The following ZEB1 variants were observed in gnomAD, a reference collection of about 807,000 sequenced individuals.
ZEB1 encodes zinc finger E-box-binding homeobox 1.
In ZEB1, 21 loss-of-function variants were observed where a neutral mutation model predicts 84.9. That is an observed-to-expected ratio of 0.25 (90% CI 0.18 to 0.36). The LOEUF is 0.36. ZEB1 is among the 10% of genes least tolerant of loss of function. The pLI is 1.00. For synonymous variants in ZEB1, 420 were observed against 471.1 expected, an observed-to-expected ratio of 0.89 and a Z score of 1.41; for missense variants, 1,104 against 1,330.2, an observed-to-expected ratio of 0.83 and a Z score of 2.65.
At chr10:31,508,864 C>G (rs2069453722) in intron 4 of ZEB1, among the ~76,000 whole-genome samples, 1 of 152,178 alleles carries the variant, frequency 6.6e-6, no homozygotes, top group Non-Finnish European at 1.5e-5. Flanking sequence ...GTAGCCTGTC[C>G]TCAGGTCCCT....
rs71527629 is a variant in ZEB1 at position 31,327,099 on chromosome 10, C to CTTTTTTTTTTTTTTTTTTTTTTTTTTTT, written c.58+7829_58+7830insTTTTTTTTTTTTTTTTTTTTTTTTTTTT. Among the ~76,000 whole-genome samples the CTTTTTTTTTTTTTTTTTTTTTTTTTTTT allele has an allele frequency of 4.7e-5, 4 of 84,962 alleles. 1 individual carries two copies. Among genetic ancestry groups the CTTTTTTTTTTTTTTTTTTTTTTTTTTTT allele is most frequent in the African/African-American group, 1.0e-4 (2 of 19,420 alleles). The allele number at this position is 84,962 out of a possible 152,430, so 55.7% of individuals were successfully genotyped here. On this transcript the variant is annotated intron_variant, in intron 1 of 8. Coordinates refer to ENST00000424869, the MANE Select transcript of ZEB1 (RefSeq NM_001174096.2). Reference sequence around the variant, plus strand: ...ATTTACTTTCTTTTTCTTTTCTTTTCTTTTTTTTTTTTTTTTTTTTTTGAG... The same window carrying CTTTTTTTTTTTTTTTTTTTTTTTTTTTT: ...ATTTACTTTCTTTTTCTTTTCTTTTCTTTTTTTTTTTTTTTTTTTTTTTTTTTTTTTTTTTTTTTTTTTTTTTTTTGAG...
chr10:31,493,840 T>A (rs1015988993), intron 2 of ZEB1, among the ~76,000 whole-genome samples: 103 of 152,116 alleles, frequency 6.8e-4, no homozygotes, highest in African/African-American at 2.3e-3. Flanking sequence ...TTGTGGGAAA[T>A]AGGTCTGGGA....
At chr10:31,401,605 A>AG (rs934506378) in intron 1 of ZEB1, among the ~76,000 whole-genome samples, 43 of 152,314 alleles carry the variant, frequency 2.8e-4, no homozygotes, top group African/African-American at 8.2e-4. Flanking sequence ...GCATAAGCAA[A>AG]GGTGACATTC....
chr10:31,517,263 C>G (rs1341970917), intron 6 of ZEB1, among the ~76,000 whole-genome samples: 1 of 151,604 alleles, frequency 6.6e-6, no homozygotes, highest in African/African-American at 2.4e-5. Context: ...ATACTGGTAC[C>G]CAAAAAATTT....
chr10:31,340,444 G>A (rs1410941307), intron 1 of ZEB1, among the ~76,000 whole-genome samples: 1 of 152,276 alleles, frequency 6.6e-6, no homozygotes, highest in African/African-American at 2.4e-5. Flanking sequence ...TAGCATTTTA[G>A]TAGTAGCACT....
intron 4 of ZEB1, among the ~76,000 whole-genome samples, chr10:31,508,183 C>T (rs539649507): frequency 7.2e-5 from 11 of 152,208 alleles, no homozygotes; most frequent in African/African-American, 2.4e-4. Flanking sequence ...GTGGTAGTAA[C>T]GGGCTTACAG....
intron 1 of ZEB1, among the ~76,000 whole-genome samples, chr10:31,382,445 T>G (rs776602413): frequency 6.6e-6 from 1 of 152,174 alleles, no homozygotes; most frequent in South Asian, 2.1e-4. Context: ...ATACAAAATT[T>G]GTCCCATCTG....
chr10:31,527,309 C>A lies in ZEB1; in HGVS notation c.*45C>A. 1 of 1,555,522 alleles carries A rather than the reference C, an allele frequency of 6.4e-7. No individual in the cohort carries two copies. The highest frequency in any genetic ancestry group is 8.7e-7 in the Non-Finnish European group (1 of 1,154,570). ...ATAAATTCTAATTGATAATGAATTT[C>A]GTTCAATATTATCCTTGCTTTTCAT... On this transcript the variant is annotated 3_prime_UTR_variant, in exon 9 of 9. Coordinates refer to ENST00000424869, the MANE Select transcript of ZEB1 (RefSeq NM_001174096.2).
chr10:31,411,990 A>G (rs7902940), intron 1 of ZEB1, among the ~76,000 whole-genome samples: 5,165 of 152,250 alleles, frequency 0.034, 293 homozygotes, highest in African/African-American at 0.12. Context: ...GATCTCAACC[A>G]GAATTCATTA....
intron 1 of ZEB1, among the ~76,000 whole-genome samples, chr10:31,379,768 G>C (rs1312338840): frequency 6.6e-6 from 1 of 150,866 alleles, no homozygotes; most frequent in African/African-American, 2.4e-5. Context: ...AGAGAGACTA[G>C]TGTAATAAAC....
chr10:31,456,154 A>G (rs996450914), intron 1 of ZEB1, among the ~76,000 whole-genome samples: 1 of 152,188 alleles, frequency 6.6e-6, no homozygotes, highest in African/African-American at 2.4e-5. Context: ...AACTATCACA[A>G]GAACAGAAAA....
At chr10:31,380,709 A>G (rs1304188099) in intron 1 of ZEB1, among the ~76,000 whole-genome samples, 3 of 152,224 alleles carry the variant, frequency 2.0e-5, no homozygotes, top group Non-Finnish European at 4.4e-5. Flanking sequence ...TATACTGGAA[A>G]GAAGCCTGGT....
intron 2 of ZEB1, among the ~76,000 whole-genome samples, chr10:31,485,197 TA>T (rs2065561357): frequency 6.6e-6 from 1 of 151,950 alleles, no homozygotes; most frequent in Admixed American, 6.6e-5. Flanking sequence ...GTAATAAAGA[TA>T]ATTTTAAGAG....
chr10:31,358,915 C>T (rs750979405), intron 1 of ZEB1, among the ~76,000 whole-genome samples: 3 of 152,156 alleles, frequency 2.0e-5, no homozygotes, highest in Non-Finnish European at 1.5e-5. Context: ...GTTGCCAGCT[C>T]AGTTCTCTCT....
intron 2 of ZEB1, among the ~76,000 whole-genome samples, chr10:31,470,736 A>C (rs1349115786): frequency 1.4e-5 from 2 of 140,182 alleles, no homozygotes; most frequent in Non-Finnish European, 3.1e-5. Context: ...CTCCTCGAGA[A>C]GAGCAACTCC....
intron 1 of ZEB1, among the ~76,000 whole-genome samples, chr10:31,385,764 A>G (rs2048530755): frequency 6.6e-6 from 1 of 151,884 alleles, no homozygotes; most frequent in South Asian, 2.1e-4. Context: ...CTGACCTCGT[A>G]ATCCGCCAGC....
chr10:31,382,006 CAAAAAAAAAAAAAA>C (rs535534850), intron 1 of ZEB1, among the ~76,000 whole-genome samples: 2 of 40,768 alleles, frequency 4.9e-5, no homozygotes, highest in South Asian at 2.0e-3. Flanking sequence ...GAGACTGTCT[CAAAAAAAAAAAAAA>C]AAAAAAAAAA....
rs530242183 is a variant in ZEB1 at position 31,514,046 on chromosome 10, C to T, written c.688-557C>T. ...CAGACAGAAAGCTATTATAATAATC[C>T]ACATTTGGCTGAAAAAACTGGAAGT... On this transcript the variant is annotated intron_variant, in intron 5 of 8. Coordinates refer to ENST00000424869, the MANE Select transcript of ZEB1 (RefSeq NM_001174096.2). Among the ~76,000 whole-genome samples the T allele has an allele frequency of 5.3e-5, 8 of 151,854 alleles. No homozygotes were observed. The South Asian group carries it at 1.7e-3, about 31-fold the overall frequency.
At chr10:31,506,455 T>C (rs1337564244) in intron 4 of ZEB1, among the ~76,000 whole-genome samples, 1 of 152,086 alleles carries the variant, frequency 6.6e-6, no homozygotes, top group African/African-American at 2.4e-5. Context: ...CAGTCTTGGG[T>C]ACATATATGT....
Sources: gnomAD v4.1 joint callset for allele counts (sites outside exome capture counted in the v4.1 genomes callset) on GRCh38, gnomAD v4.1.1 for gene constraint, MANE v1.5 for transcripts, NCBI Gene and HGNC (gene_info 2026-07-23, HGNC 2026-07-21) for gene names.